Variants in OSTN observed in about 807,000 individuals in gnomAD.
The protein encoded by OSTN is osteocrin.
Under a neutral mutation model 12.0 loss-of-function variants are expected in OSTN, and 9 were observed. That is an observed-to-expected ratio of 0.75 (90% confidence interval 0.45 to 1.30). The LOEUF is 1.30. Among genes scored for constraint, OSTN ranks in the 50% most tolerant of loss-of-function variants. The probability of loss-of-function intolerance (pLI) is 0.00; values close to 1 mark genes in which losing one functional copy is unlikely to be tolerated. For synonymous variants in OSTN, 59 were observed against 56.9 expected (o/e 1.04, Z -0.16); for missense variants, 148 against 152.3 (o/e 0.97, Z 0.15).
intron 3 of OSTN, among the ~76,000 whole-genome samples, chr3:191,244,392 A>T (rs1029232029): frequency 1.1e-4 from 17 of 151,670 alleles, no homozygotes; most frequent in Non-Finnish European, 2.5e-4. Context: ...CAGAATGGAA[A>T]ACGTGGGTTG....
At chr3:191,216,086 C>T (rs7646862) in intron 2 of OSTN, among the ~76,000 whole-genome samples, 52,702 of 152,078 alleles carry the variant, frequency 0.35, 11,318 homozygotes, top group African/African-American at 0.59. Flanking sequence ...AGGCAGAGGT[C>T]CCCCAAACTC....
chr3:191,230,325 G>A (rs981947299), intron 3 of OSTN, among the ~76,000 whole-genome samples: 1 of 151,754 alleles, frequency 6.6e-6, no homozygotes, highest in Non-Finnish European at 1.5e-5. Flanking sequence ...CAACACTTTG[G>A]TAGGCAGAGG....
In OSTN at chr3:191,250,068, G is replaced by A. The variant is rs766806506; in HGVS notation, c.349G>A (p.Gly117Ser). The part of the protein sequence containing the change: ...KVVDHPKRRF[G>S]IPMDRIGRNR... The stretch of plus-strand genomic sequence containing the variant: ...AGTAGATCATCCAAAAAGGCGATTT[G>A]GTATCCCCATGGATCGGATTGGTAG... The change falls in exon 4 of 5, where the codon GGT becomes AGT. Residue 117 changes from glycine to serine, a missense_variant. Gly to Ser is a moderately conservative substitution (Grantham distance 56, BLOSUM62 0). Coordinates refer to ENST00000682035, the MANE Select transcript of OSTN (RefSeq NM_198184.2). The A allele has an allele frequency of 3.7e-6, 6 of 1,613,646 alleles. No individual in the cohort carries two copies. Among genetic ancestry groups the A allele is most frequent in the Non-Finnish European group, 5.1e-6 (6 of 1,179,746 alleles).
chr3:191,233,623 T>C (rs1162304626), intron 3 of OSTN, among the ~76,000 whole-genome samples: 1 of 152,106 alleles, frequency 6.6e-6, no homozygotes, highest in African/African-American at 2.4e-5. Flanking sequence ...AGTGCTAGGA[T>C]TACAGGCATG....
chr3:191,252,764 A>G (rs1010092208), intron 4 of OSTN, among the ~76,000 whole-genome samples: 1 of 152,202 alleles, frequency 6.6e-6, no homozygotes, highest in Non-Finnish European at 1.5e-5. Flanking sequence ...ATGAGATGAT[A>G]ATATATTTCT....
At chr3:191,234,460 G>C (rs1018588010) in intron 3 of OSTN, 7 of 152,320 alleles carry the variant, frequency 4.6e-5, no homozygotes, top group African/African-American at 1.2e-4. Context: ...ACTTTGGGAG[G>C]CCGAGGCAGG....
At chr3:191,206,668 G>A (rs929263717) in intron 1 of OSTN, among the ~76,000 whole-genome samples, 6 of 152,202 alleles carry the variant, frequency 3.9e-5, no homozygotes, top group African/African-American at 1.4e-4. Flanking sequence ...CTCCATTTTA[G>A]TTGGTCTAGA....
intron 3 of OSTN, chr3:191,234,673 G>T: frequency 7.1e-6 from 1 of 140,598 alleles, no homozygotes; most frequent in African/African-American, 2.8e-5. Flanking sequence ...CTCCAGCCTG[G>T]GCAACAGAAC....
chr3:191,249,880 GAT>G (rs1560124552), intron 3 of OSTN, among the ~76,000 whole-genome samples, 155 bp from the exon 4 acceptor site: 1 of 152,144 alleles, frequency 6.6e-6, no homozygotes, highest in Non-Finnish European at 1.5e-5. Context: ...GAAAATATGA[GAT>G]AGTGTCTGGC....
chr3:191,240,098 G>A (rs891685154), intron 3 of OSTN, among the ~76,000 whole-genome samples: 1 of 152,154 alleles, frequency 6.6e-6, no homozygotes, highest in African/African-American at 2.4e-5. Context: ...GAGAAAAAAA[G>A]CCATTATGTT....
intron 4 of OSTN, among the ~76,000 whole-genome samples, chr3:191,258,710 G>T (rs1715733238): frequency 6.6e-6 from 1 of 150,474 alleles, no homozygotes; most frequent in Admixed American, 6.6e-5. Context: ...ACCCCCAAAA[G>T]AGGAAAGCAC....
At chr3:191,259,706 A>G (rs889372224) in intron 4 of OSTN, among the ~76,000 whole-genome samples, 2 of 151,936 alleles carry the variant, frequency 1.3e-5, no homozygotes, top group African/African-American at 4.8e-5. Flanking sequence ...ACTTTTAACT[A>G]TTAGACCACA....
At chr3:191,207,886 T>A (rs1297732614) in intron 1 of OSTN, among the ~76,000 whole-genome samples, 1 of 152,350 alleles carries the variant, frequency 6.6e-6, no homozygotes, top group East Asian at 1.9e-4. Context: ...GTTTGAAAGA[T>A]CCTTTCAGGG....
intron 4 of OSTN, among the ~76,000 whole-genome samples, chr3:191,260,266 C>T (rs530481751): frequency 1.3e-5 from 2 of 151,924 alleles, no homozygotes; most frequent in East Asian, 3.9e-4. Flanking sequence ...TGGCCACCGA[C>T]AATTAGGGTT....
At chr3:191,245,129 A>G (rs1425350120) in intron 3 of OSTN, among the ~76,000 whole-genome samples, 2 of 152,194 alleles carry the variant, frequency 1.3e-5, no homozygotes, top group Admixed American at 1.3e-4. Context: ...CAAATTGAAA[A>G]CCACTGGACT....
intron 4 of OSTN, among the ~76,000 whole-genome samples, chr3:191,255,277 T>G (rs2364374): frequency 0.23 from 34,416 of 152,198 alleles, 4,421 homozygotes; most frequent in South Asian, 0.33. Flanking sequence ...GCTCACCTCC[T>G]GCTGTGTGGC....
At chr3:191,245,303 G>C (rs1576936813) in intron 3 of OSTN, among the ~76,000 whole-genome samples, 1 of 152,174 alleles carries the variant, frequency 6.6e-6, no homozygotes, top group Non-Finnish European at 1.5e-5. Flanking sequence ...ACATGGTTAA[G>C]TCTGTGTAAT....
chr3:191,248,081 AC>A (rs1457646173), intron 3 of OSTN, among the ~76,000 whole-genome samples: 6 of 151,970 alleles, frequency 3.9e-5, no homozygotes, highest in Non-Finnish European at 5.9e-5. Flanking sequence ...TGACCTGCCC[AC>A]CTCAGCCTCC....
intron 3 of OSTN, 38 bp from the exon 4 acceptor site, chr3:191,249,999 C>T: frequency 2.1e-6 from 3 of 1,430,534 alleles, no homozygotes; most frequent in Middle Eastern, 1.8e-4. Context: ...CAATAACTTG[C>T]CCTTTAGTTT....
Sources: gnomAD v4.1 joint callset for allele counts (sites outside exome capture counted in the v4.1 genomes callset) on GRCh38, gnomAD v4.1.1 for gene constraint, MANE v1.5 for transcripts, NCBI Gene and HGNC (gene_info 2026-07-23, HGNC 2026-07-21) for gene names.